NAGS: variants seen among roughly 807,000 people sequenced by gnomAD.
The protein encoded by NAGS is N-acetylglutamate synthase, mitochondrial.
Under a neutral mutation model 46.9 loss-of-function variants are expected in NAGS, and 34 were observed. The ratio of observed to expected loss-of-function variants is 0.72; its 90% CI spans 0.55 to 0.97. The LOEUF (loss-of-function observed/expected upper bound fraction) is 0.97. Ranked by LOEUF, NAGS falls within the 50% of genes least tolerant of loss-of-function variation. The pLI is 0.00. For missense variants in NAGS, 665 were observed against 747.0 expected (o/e 0.89, Z 1.28); for synonymous variants, 334 against 346.3 (o/e 0.96, Z 0.39).
Position 44,004,717 on chromosome 17 carries a change from G to A in NAGS, c.54G>A (p.Arg18=). ...VVLRAAAVAP[R]LRGRGGTGGA... ...TGCGGGCAGCTGCTGTAGCCCCGAG[G>A]CTGAGAGGCCGGGGAGGCACTGGGG... The change falls in exon 1 of 7, where the codon AGG becomes AGA. Residue 18 remains arginine, a synonymous_variant. Coordinates refer to ENST00000293404, the MANE Select transcript of NAGS (RefSeq NM_153006.3). The A allele has an allele frequency of 3.3e-6, 5 of 1,503,820 alleles. No individual in the cohort carries two copies. Among genetic ancestry groups the A allele is most frequent in the South Asian group, 1.3e-5 (1 of 75,082 alleles). The allele number at this position is 1,503,820 out of a possible 1,614,324, so 93.2% of individuals were successfully genotyped here.
Position 44,006,698 on chromosome 17 carries a change from T to G in NAGS, c.1085T>G (p.Phe362Cys). The G allele has an allele frequency of 6.2e-7, 1 of 1,607,430 alleles. No individual in the cohort carries two copies. Among genetic ancestry groups the G allele is most frequent in the Non-Finnish European group, 8.5e-7 (1 of 1,176,034 alleles). Residue 362 changes from phenylalanine to cysteine, a missense_variant, in exon 4 of 7, where the codon TTT becomes TGT. Coordinates refer to ENST00000293404, the MANE Select transcript of NAGS (RefSeq NM_153006.3). This position sits in a 1 kb window ranked among gnomAD's most constrained non-coding sequence, Gnocchi z 4.8. ...TAASTLLTEL[F>C]SNKGSGTLFK... The stretch of plus-strand genomic sequence containing the variant: ...GCTAGCACGCTGCTCACTGAGCTCT[T>G]TAGCAACAAGGGTGAGGGCGGTGGG...
In NAGS at chr17:44,006,699, T is replaced by C. The variant is rs55708447; in HGVS notation, c.1086T>C (p.Phe362=). 297,678 of 1,606,072 alleles carry C rather than the reference T, an allele frequency of 0.19. 29,553 individuals carry two copies. Among genetic ancestry groups the C allele is most frequent in the Non-Finnish European group, 0.2 (240,617 of 1,175,218 alleles). ...CTAGCACGCTGCTCACTGAGCTCTT[T>C]AGCAACAAGGGTGAGGGCGGTGGGC... The part of the protein sequence containing the change: ...TAASTLLTEL[F]SNKGSGTLFK... The change falls in exon 4 of 7, where the codon TTT becomes TTC. Residue 362 remains phenylalanine (F), a synonymous_variant. Transcript: ENST00000293404. The surrounding 1 kb of genome is among the most constrained non-coding windows in gnomAD (Gnocchi z 4.8).
chr17:44,006,884 A>C lies in NAGS; in HGVS notation c.1096+175A>C. 7 of 593,222 alleles carry C rather than the reference A, an allele frequency of 1.2e-5. No homozygotes were observed. Among genetic ancestry groups the C allele is most frequent in the Non-Finnish European group, 2.0e-5 (7 of 354,170 alleles). 36.7% of individuals were successfully genotyped at this position (593,222 alleles called of 1,614,324 possible). ...CGAAACCCGGGGGAGGTGAGAGAGG[A>C]GGAGACCCAGTGTACTGGAAGGGAA... On this transcript the variant is annotated intron_variant, in intron 4 of 6. Transcript: ENST00000293404. This position sits in a 1 kb window ranked among gnomAD's most constrained non-coding sequence, Gnocchi z 4.8.
In NAGS at chr17:44,007,483, C is replaced by T. The variant is rs1235142426; in HGVS notation, c.1257C>T (p.Tyr419=). ...TGCGCCCGCGGCTGCACTCCATCTA[C>T]GTCTCCGAGGGGTAAGCCTGCGGAC... The part of the protein sequence containing the change: ...ASLRPRLHSI[Y]VSEGYNAAAI... The change falls in exon 5 of 7, where the codon TAC becomes TAT. Residue 419 remains tyrosine (Y), a synonymous_variant. Coordinates refer to ENST00000293404, the MANE Select transcript of NAGS (RefSeq NM_153006.3). The surrounding 1 kb of genome is among the most constrained non-coding windows in gnomAD (Gnocchi z 5.1). 2 of 1,613,628 alleles carry T rather than the reference C, an allele frequency of 1.2e-6. No individual in the cohort carries two copies. Among genetic ancestry groups the T allele is most frequent in the African/African-American group, 2.7e-5 (2 of 74,924 alleles).
rs1256337877 is a variant in NAGS, at chr17:44,005,858, A to AT, written c.654dup (p.Gly219TrpfsTer77). The AT allele has an allele frequency of 1.3e-6, 2 of 1,559,804 alleles. No individual in the cohort carries two copies. Among genetic ancestry groups the AT allele is most frequent in the Non-Finnish European group, 8.7e-7 (1 of 1,154,292 alleles). On this transcript the variant is annotated frameshift_variant, in exon 2 of 7. Coordinates refer to ENST00000293404, the MANE Select transcript of NAGS (RefSeq NM_153006.3). LOFTEE classifies it high-confidence loss of function. The surrounding 1 kb of genome is among the most constrained non-coding windows in gnomAD (Gnocchi z 7.2). ...GACACAACGCCGCCGCTGCTGTGCC[A>AT]TTTTTTGGCGGCGGGTCTGTGCTAC...
In NAGS at chr17:44,007,361, C is replaced by A; in HGVS notation, c.1135C>A (p.Arg379=). Residue 379 remains arginine, a synonymous_variant, in exon 5 of 7, where the codon CGG becomes AGG. Coordinates refer to ENST00000293404, the MANE Select transcript of NAGS (RefSeq NM_153006.3). The surrounding 1 kb of genome is among the most constrained non-coding windows in gnomAD (Gnocchi z 5.1). ...GTTCAAGAACGCCGAGCGAATGCTA[C>A]GGGTGCGCAGCCTGGACAAGCTGGA... is the stretch of plus-strand genomic sequence containing the variant. ...TLFKNAERML[R]VRSLDKLDQG... is the part of the protein sequence containing the mutation. 6.2e-7 allele frequency: 1 copy of A among 1,601,034 alleles called. No homozygotes were observed.
At position 44,005,485 on chromosome 17, in the gene NAGS, G is replaced by T; in HGVS notation, c.427-152G>T. 3 of 1,091,760 alleles carry T rather than the reference G, an allele frequency of 2.7e-6. No homozygotes were observed. Among genetic ancestry groups the T allele is most frequent in the Non-Finnish European group, 4.0e-6 (3 of 758,054 alleles). 67.6% of individuals were successfully genotyped at this position (1,091,760 alleles called of 1,614,324 possible). A position where few individuals can be genotyped will look rare whatever the true frequency, so the allele number is the denominator to read the frequency against. On this transcript the variant is annotated intron_variant, in intron 1 of 6. Transcript: ENST00000293404. This position sits in a 1 kb window ranked among gnomAD's most constrained non-coding sequence, Gnocchi z 7.2. The stretch of plus-strand genomic sequence containing the variant: ...CAAGGGAGTGGCAAGACCCAACGGG[G>T]CAAAGGGCGGAGCAGGTGGGCACTG...
In NAGS at chr17:44,006,581, AGTGG is replaced by A. The variant is rs760201540; in HGVS notation, c.972_975del (p.Trp324Ter). On this transcript the variant is annotated frameshift_variant, in exon 4 of 7. Transcript: ENST00000293404. LOFTEE classifies it high-confidence loss of function. This position sits in a 1 kb window ranked among gnomAD's most constrained non-coding sequence, Gnocchi z 4.8. ...GACCTGGACCTGGTGTGCAACGCCG[AGTGG>A]GTGAGCACAAAAGAACGGCAGCAGA... is the stretch of plus-strand genomic sequence containing the variant. 6.3e-7 allele frequency: 1 copy of A among 1,588,660 alleles called. No individual in the cohort carries two copies. The highest frequency in any genetic ancestry group is 1.3e-5 in the African/African-American group (1 of 74,530).
In NAGS at chr17:44,006,902, G is replaced by T. The variant is rs1007228820; in HGVS notation, c.1096+193G>T. The T allele has an allele frequency of 7.3e-6, 4 of 549,568 alleles. No homozygotes were observed. The highest frequency in any genetic ancestry group is 3.2e-5 in the Admixed American group (1 of 31,194). The allele number at this position is 549,568 out of a possible 1,614,324, so 34.0% of individuals were successfully genotyped here. ...AGAGAGGAGGAGACCCAGTGTACTGGAAGGGAACTCCGAAGGAATTAAAGG... is the reference window on the plus strand; with the variant it reads ...AGAGAGGAGGAGACCCAGTGTACTGTAAGGGAACTCCGAAGGAATTAAAGG... On this transcript the variant is annotated intron_variant, in intron 4 of 6. Coordinates refer to ENST00000293404, the MANE Select transcript of NAGS (RefSeq NM_153006.3). This position sits in a 1 kb window ranked among gnomAD's most constrained non-coding sequence, Gnocchi z 4.8.
At position 44,005,862 on chromosome 17, in the gene NAGS, T is replaced by A; in HGVS notation, c.652T>A (p.Phe218Ile). The A allele has an allele frequency of 6.4e-7, 1 of 1,558,282 alleles. No individual in the cohort carries two copies. Among genetic ancestry groups the A allele is most frequent in the Non-Finnish European group, 8.7e-7 (1 of 1,153,738 alleles). ...RHNAAAAVPF[F>I]GGGSVLRAAE... ...CAACGCCGCCGCTGCTGTGCCATTT[T>A]TTGGCGGCGGGTCTGTGCTACGCGC... Residue 218 changes from phenylalanine (F) to isoleucine (I), a missense_variant, in exon 2 of 7, where the codon TTT (phenylalanine) becomes ATT (isoleucine). Transcript: ENST00000293404. This position sits in a 1 kb window ranked among gnomAD's most constrained non-coding sequence, Gnocchi z 7.2.
Position 44,004,865 on chromosome 17 carries a change from G to A in NAGS, c.202G>A (p.Asp68Asn), listed in dbSNP as rs1346988332. ...PPPEEYAGADDVSQSPVAEEP... is the reference protein window; with the variant it reads ...PPPEEYAGADNVSQSPVAEEP... ...GCCCGAGGAGTACGCGGGCGCGGAC[G>A]ACGTCTCCCAGTCGCCCGTCGCCGA... Residue 68 changes from aspartate (D) to asparagine (N), a missense_variant, in exon 1 of 7, where the codon GAC becomes AAC. Coordinates refer to ENST00000293404, the MANE Select transcript of NAGS (RefSeq NM_153006.3). 2 of 1,529,716 alleles carry A rather than the reference G, an allele frequency of 1.3e-6. No homozygotes were observed. Among genetic ancestry groups the A allele is most frequent in the Admixed American group, 2.0e-5 (1 of 50,770 alleles). 94.8% of individuals were successfully genotyped at this position (1,529,716 alleles called of 1,614,324 possible). A position where few individuals can be genotyped will look rare whatever the true frequency, so the allele number is the denominator to read the frequency against.
At position 44,006,979 on chromosome 17, in the gene NAGS, G is replaced by T. The variant is rs2049101909; in HGVS notation, c.1096+270G>T. ...AGGGGCCCCCCGGTGGGCGGGGCCA[G>T]GGGCGGGACCATAAGGGAGGTGTTC... On this transcript the variant is annotated intron_variant, in intron 4 of 6. Transcript: ENST00000293404. The surrounding 1 kb of genome is among the most constrained non-coding windows in gnomAD (Gnocchi z 4.8). The T allele has an allele frequency of 4.0e-6, 2 of 496,574 alleles. No homozygotes were observed. The highest frequency in any genetic ancestry group is 1.9e-5 in the African/African-American group (1 of 51,810). 30.8% of individuals were successfully genotyped at this position (496,574 alleles called of 1,614,324 possible). A position where few individuals can be genotyped will look rare whatever the true frequency, so the allele number is the denominator to read the frequency against.
chr17:44,008,056 G>A (rs1325731846), intron 6 of NAGS, among the ~76,000 whole-genome samples: 1 of 152,106 alleles, frequency 6.6e-6, no homozygotes, highest in Admixed American at 6.5e-5. Context: ...GGCCTGCGGC[G>A]CCTCCAGTGG....
rs377702343 is a variant in NAGS, at chr17:44,006,226, A to G, written c.904A>G (p.Ser302Gly). ...FLNNTGGLRD[S>G]SHKVLSNVNL... The stretch of plus-strand genomic sequence containing the variant: ...CAATAACACAGGCGGCCTGCGCGAC[A>G]GCAGTCATAAGGTGCGGCCCTTTCT... Residue 302 changes from serine (S) to glycine (G), a missense_variant, in exon 3 of 7, where the codon AGC becomes GGC. Transcript: ENST00000293404. The surrounding 1 kb of genome is among the most constrained non-coding windows in gnomAD (Gnocchi z 4.8). The G allele has an allele frequency of 1.7e-5, 28 of 1,613,194 alleles. No homozygotes were observed. The South Asian group carries it at 2.7e-4, about 16-fold the overall frequency.
In NAGS at chr17:44,005,002, C is replaced by T. The variant is rs1309298089; in HGVS notation, c.339C>T (p.Cys113=). The part of the protein sequence containing the change: ...QRDIQAFLNQ[C]GASPGEARHW... Reference sequence around the variant, plus strand: ...ACATCCAGGCCTTCCTGAACCAGTGCGGGGCCAGCCCTGGGGAGGCGCGCC... The same window carrying T: ...ACATCCAGGCCTTCCTGAACCAGTGTGGGGCCAGCCCTGGGGAGGCGCGCC... The change falls in exon 1 of 7, where the codon TGC becomes TGT. Residue 113 remains cysteine (C), a synonymous_variant. Coordinates refer to ENST00000293404, the MANE Select transcript of NAGS (RefSeq NM_153006.3). The surrounding 1 kb of genome is among the most constrained non-coding windows in gnomAD (Gnocchi z 7.2). 2.6e-6 allele frequency: 4 copies of T among 1,552,192 alleles called. No individual in the cohort carries two copies. Among genetic ancestry groups the T allele is most frequent in the South Asian group, 1.2e-5 (1 of 85,020 alleles).
chr17:44,007,887 C>A lies in NAGS; in HGVS notation c.1451+114C>A. 1.9e-6 allele frequency: 2 copies of A among 1,075,580 alleles called. No homozygotes were observed. Among genetic ancestry groups the A allele is most frequent in the Non-Finnish European group, 2.8e-6 (2 of 718,628 alleles). 66.6% of individuals were successfully genotyped at this position (1,075,580 alleles called of 1,614,324 possible). On this transcript the variant is annotated intron_variant, in intron 6 of 6. Coordinates refer to ENST00000293404, the MANE Select transcript of NAGS (RefSeq NM_153006.3). The surrounding 1 kb of genome is among the most constrained non-coding windows in gnomAD (Gnocchi z 5.1). The stretch of plus-strand genomic sequence containing the variant: ...CCTCTTCTTCCACTGGTCTCCCTTT[C>A]ACTACCTCCCAGGGGCAGAACACAC...
At position 44,006,264 on chromosome 17, in the gene NAGS, C is replaced by G; in HGVS notation, c.915+27C>G. On this transcript the variant is annotated intron_variant, in intron 3 of 6. Coordinates refer to ENST00000293404, the MANE Select transcript of NAGS (RefSeq NM_153006.3). The surrounding 1 kb of genome is among the most constrained non-coding windows in gnomAD (Gnocchi z 4.8). ...TGCGGCCCTTTCTTTCACCTTCCCC[C>G]ACGCCGGCGATCCGGGCCTTCTCTT... is the stretch of plus-strand genomic sequence containing the variant. 1 of 1,609,508 alleles carries G rather than the reference C, an allele frequency of 6.2e-7. No individual in the cohort carries two copies. The highest frequency in any genetic ancestry group is 1.7e-5 in the Admixed American group (1 of 59,604).
In NAGS at chr17:44,006,280, G is replaced by A; in HGVS notation, c.915+43G>A. The A allele has an allele frequency of 6.3e-7, 1 of 1,596,188 alleles. No homozygotes were observed. The highest frequency in any genetic ancestry group is 8.5e-7 in the Non-Finnish European group (1 of 1,170,726). Reference sequence around the variant, plus strand: ...ACCTTCCCCCACGCCGGCGATCCGGGCCTTCTCTTGCGCCCCTCGCACTTC... The same window carrying A: ...ACCTTCCCCCACGCCGGCGATCCGGACCTTCTCTTGCGCCCCTCGCACTTC... On this transcript the variant is annotated intron_variant, in intron 3 of 6. Transcript: ENST00000293404. This position sits in a 1 kb window ranked among gnomAD's most constrained non-coding sequence, Gnocchi z 4.8.
rs1430174905 is a variant in NAGS, at chr17:44,006,130, G to C, written c.808G>C (p.Val270Leu). ...CGGGGAGACGGCCGCGCGCCGCTCC[G>C]TGCTTCTCGACTCCCTGGAGGTGAC... Reference protein sequence around the residue: ...PIGETAARRSVLLDSLEVTAS... With the variant: ...PIGETAARRSLLLDSLEVTAS... Residue 270 changes from valine to leucine, a missense_variant, in exon 3 of 7, where the codon GTG becomes CTG. Coordinates refer to ENST00000293404, the MANE Select transcript of NAGS (RefSeq NM_153006.3). This position sits in a 1 kb window ranked among gnomAD's most constrained non-coding sequence, Gnocchi z 4.8. 3.7e-6 allele frequency: 6 copies of C among 1,613,100 alleles called. No individual in the cohort carries two copies. The highest frequency in any genetic ancestry group is 3.3e-5 in the South Asian group (3 of 91,080).
Sources: gnomAD v4.1 joint callset for allele counts (sites outside exome capture counted in the v4.1 genomes callset) on GRCh38, gnomAD v4.1.1 for gene constraint, Gnocchi (gnomAD v3.1) non-coding constraint, MANE v1.5 for transcripts, NCBI Gene and HGNC (gene_info 2026-07-23, HGNC 2026-07-21) for gene names.